The following CAB39L variants were observed in gnomAD, a reference collection of about 807,000 sequenced individuals.
CAB39L encodes the protein calcium binding protein 39 like, also known as calcium-binding protein 39-like.
A neutral mutation model predicts 39.1 loss-of-function variants in CAB39L; 23 were observed. The ratio of observed to expected loss-of-function variants is 0.59; its 90% CI spans 0.42 to 0.83. The LOEUF is 0.83. Ranked by LOEUF, CAB39L falls within the 40% of genes least tolerant of loss-of-function variation. CAB39L has a pLI of 0.00. For missense variants in CAB39L, 366 were observed against 391.9 expected (o/e 0.93, Z 0.56); for synonymous variants, 126 against 137.2 (o/e 0.92, Z 0.57).
intron 3 of CAB39L, among the ~76,000 whole-genome samples, chr13:49,403,359 C>T (rs970279870): frequency 4.6e-5 from 7 of 151,960 alleles, no homozygotes; most frequent in African/African-American, 1.7e-4. Flanking sequence ...ATAACTGCAA[C>T]CCAGAGTAAA....
intron 7 of CAB39L, among the ~76,000 whole-genome samples, chr13:49,345,985 G>A (rs1955142993): frequency 6.7e-6 from 1 of 149,508 alleles, no homozygotes; most frequent in East Asian, 2.0e-4. Flanking sequence ...AAATTCCAAG[G>A]CAAGAAAACC....
chr13:49,412,295 A>G (rs1286443979), intron 3 of CAB39L, among the ~76,000 whole-genome samples: 1 of 152,078 alleles, frequency 6.6e-6, no homozygotes, highest in African/African-American at 2.4e-5. Context: ...TTCTCCTTGG[A>G]AAAAAAGCCA....
chr13:49,406,470 G>A lies in CAB39L; in HGVS notation c.-31-23529C>T, dbSNP rs180683160. 6.1e-3 allele frequency among the ~76,000 whole-genome samples: 926 copies of A among 151,096 alleles called. 15 individuals are homozygous for A. The highest frequency in any genetic ancestry group is 0.022 in the African/African-American group (901 of 41,144). ...ACTGGGATTACAGGTGTGAGCCACT[G>A]CACCCAGCCTGGAATGTTCTTAACA... On this transcript the variant is annotated intron_variant, in intron 3 of 10. Transcript: ENST00000409308.
chr13:49,377,812 ACC>A (rs1647515792), intron 4 of CAB39L, among the ~76,000 whole-genome samples: 1 of 86,608 alleles, frequency 1.2e-5, no homozygotes, highest in African/African-American at 6.6e-5. Flanking sequence ...CCCGGCCGCC[ACC>A]CCGTCTGGGA....
Position 49,411,482 on chromosome 13 carries a change from T to C in CAB39L, c.-32+21836A>G, listed in dbSNP as rs142766938. 3.5e-3 allele frequency among the ~76,000 whole-genome samples: 538 copies of C among 152,092 alleles called. 2 individuals are homozygous for C. The highest frequency in any genetic ancestry group is 0.011 in the African/African-American group (467 of 41,482). On this transcript the variant is annotated intron_variant, in intron 3 of 10. Transcript: ENST00000409308. ...TCCCCTCCCCAAGATTAAGCACTAT[T>C]CAAAGTGCTATCCTTCCAGACCCTT...
chr13:49,348,666 AC>A (rs1324147742), intron 7 of CAB39L, among the ~76,000 whole-genome samples: 1 of 152,134 alleles, frequency 6.6e-6, no homozygotes, highest in Non-Finnish European at 1.5e-5. Context: ...CCCCCAGCCC[AC>A]CCCAAGTGGC....
chr13:49,332,819 C>T (rs1054608184), intron 9 of CAB39L, among the ~76,000 whole-genome samples: 12 of 151,744 alleles, frequency 7.9e-5, no homozygotes, highest in Non-Finnish European at 1.8e-4. Flanking sequence ...TTATAGCCCC[C>T]TGGCTGCTGT....
intron 5 of CAB39L, among the ~76,000 whole-genome samples, chr13:49,372,613 T>A (rs1449209579): frequency 6.6e-6 from 1 of 152,166 alleles, no homozygotes; most frequent in African/African-American, 2.4e-5. Flanking sequence ...AGCACTCAGT[T>A]TACTCCAAGT....
intron 3 of CAB39L, among the ~76,000 whole-genome samples, chr13:49,388,770 A>G (rs975665691): frequency 6.6e-6 from 1 of 152,186 alleles, no homozygotes; most frequent in African/African-American, 2.4e-5. Flanking sequence ...GGATTCAACT[A>G]AAGAAGTTAA....
chr13:49,385,503 A>G (rs1330096579), intron 3 of CAB39L, among the ~76,000 whole-genome samples: 1 of 152,222 alleles, frequency 6.6e-6, no homozygotes, highest in Non-Finnish European at 1.5e-5. Flanking sequence ...CTTTGCATCC[A>G]CAGCTTGGCT....
At chr13:49,389,716 G>A (rs1170188877) in intron 3 of CAB39L, among the ~76,000 whole-genome samples, 4 of 152,190 alleles carry the variant, frequency 2.6e-5, no homozygotes, top group Admixed American at 1.3e-4. Flanking sequence ...ATTCGATATA[G>A]CCAAATTGCT....
At chr13:49,426,079 T>C (rs990308274) in intron 3 of CAB39L, among the ~76,000 whole-genome samples, 1 of 152,188 alleles carries the variant, frequency 6.6e-6, no homozygotes, top group African/African-American at 2.4e-5. Flanking sequence ...TGGGGTTCTT[T>C]GCATTAAACA....
rs182666562 is a variant in CAB39L, at chr13:49,319,221, T to G, written c.835-8228A>C. 4.1e-3 allele frequency among the ~76,000 whole-genome samples: 623 copies of G among 152,146 alleles called. 8 individuals carry two copies. The highest frequency in any genetic ancestry group is 0.014 in the African/African-American group (586 of 41,506). ...ATCGTGCCACTGTACTCCAGCCTGG[T>G]GACACAGCGAGACCCTGTCTCAAAA... On this transcript the variant is annotated intron_variant, in intron 10 of 10. Transcript: ENST00000409308.
chr13:49,384,396 A>G (rs2138597271), intron 3 of CAB39L, among the ~76,000 whole-genome samples: 1 of 152,280 alleles, frequency 6.6e-6, no homozygotes, highest in East Asian at 1.9e-4. Context: ...AACCCCTCAA[A>G]GTTACCCATG....
chr13:49,314,793 T>C (rs1379923505), intron 10 of CAB39L, among the ~76,000 whole-genome samples: 1 of 152,094 alleles, frequency 6.6e-6, no homozygotes, highest in Non-Finnish European at 1.5e-5. Flanking sequence ...ATCTGAAAAA[T>C]GGGGATGATA....
intron 8 of CAB39L, among the ~76,000 whole-genome samples, chr13:49,343,741 A>G (rs1017850174): frequency 6.6e-6 from 1 of 152,160 alleles, no homozygotes; most frequent in Non-Finnish European, 1.5e-5. Context: ...ATTTCAACCA[A>G]ATCTCAAAAG....
At chr13:49,341,413 T>C (rs1220957690) in intron 8 of CAB39L, among the ~76,000 whole-genome samples, 2 of 152,070 alleles carry the variant, frequency 1.3e-5, no homozygotes, top group East Asian at 3.9e-4. Context: ...CCACCACATC[T>C]GGCTAATTTT....
intron 1 of CAB39L, among the ~76,000 whole-genome samples, chr13:49,441,221 G>GTGTGTATATATATATATATATATATA (rs1024957572): frequency 4.1e-5 from 5 of 121,462 alleles, no homozygotes; most frequent in African/African-American, 1.5e-4. Context: ...ATGATTTAGT[G>GTGTGTATATATATATATATATATATA]TATATATATA....
intron 8 of CAB39L, among the ~76,000 whole-genome samples, chr13:49,342,408 C>T (rs1955031951): frequency 6.6e-6 from 1 of 152,082 alleles, no homozygotes; most frequent in Admixed American, 6.6e-5. Context: ...ATCATATACA[C>T]ATGAAATTGT....
Sources: gnomAD v4.1 joint callset for allele counts (sites outside exome capture counted in the v4.1 genomes callset) on GRCh38, gnomAD v4.1.1 for gene constraint, MANE v1.5 for transcripts, NCBI Gene and HGNC (gene_info 2026-07-23, HGNC 2026-07-21) for gene names.